TBC1D5: variants seen among roughly 807,000 people sequenced by gnomAD.
The protein encoded by TBC1D5 is TBC1 domain family member 5, also known as TBC1 domain family, member 5.
A neutral mutation model predicts 100.3 loss-of-function variants in TBC1D5; 75 were observed. That is an observed-to-expected ratio of 0.75 (90% CI 0.62 to 0.91). TBC1D5 has a LOEUF of 0.91. TBC1D5 is among the 40% of genes least tolerant of loss of function. The pLI, the probability that TBC1D5 is intolerant of heterozygous loss-of-function variation, is 0.00. For missense variants in TBC1D5, 910 were observed against 942.4 expected (o/e 0.97, Z 0.45); for synonymous variants, 323 against 325.6 (o/e 0.99, Z 0.09).
At chr3:17,304,551 G>A (rs1013003914) in intron 14 of TBC1D5, among the ~76,000 whole-genome samples, 3 of 152,078 alleles carry the variant, frequency 2.0e-5, no homozygotes, top group African/African-American at 7.2e-5. Context: ...AGGACTACAG[G>A]CACAAGCCAC....
At chr3:17,474,111 T>A (rs1366084500) in intron 3 of TBC1D5, among the ~76,000 whole-genome samples, 1 of 152,120 alleles carries the variant, frequency 6.6e-6, no homozygotes, top group African/African-American at 2.4e-5. Flanking sequence ...AGACAAAACT[T>A]TGAAACAGAA....
rs544940694 is a variant in TBC1D5, at chr3:17,268,135, C to T, written c.1246-9544G>A. Among the ~76,000 whole-genome samples, 8 of 151,506 alleles carry T rather than the reference C, an allele frequency of 5.3e-5. No individual in the cohort carries two copies. In the East Asian group the frequency reaches 1.6e-3, roughly 29 times the overall value. ...AAGAGTCCATGTAGATGGACTTTTG[C>T]CTTTGGATTATCTTATTCTAGACTC... On this transcript the variant is annotated intron_variant, in intron 15 of 21. Transcript: ENST00000253692.
chr3:17,676,371 G>A (rs963533143), intron 1 of TBC1D5, among the ~76,000 whole-genome samples: 6 of 151,684 alleles, frequency 4.0e-5, no homozygotes, highest in Non-Finnish European at 7.4e-5. Context: ...ACAAACAGAG[G>A]GCCAAATCAC....
intron 17 of TBC1D5, among the ~76,000 whole-genome samples, chr3:17,228,730 C>G (rs879640706): frequency 7.5e-5 from 11 of 146,126 alleles, no homozygotes; most frequent in Non-Finnish European, 1.5e-4. Context: ...AGTTACTGTT[C>G]GGATGAGACA....
intron 1 of TBC1D5, among the ~76,000 whole-genome samples, chr3:17,667,454 T>G (rs893832769): frequency 6.6e-6 from 1 of 151,838 alleles, no homozygotes; most frequent in African/African-American, 2.4e-5. Context: ...TAAGAAAAAA[T>G]TTTTTTTCTT....
At chr3:17,205,735 G>C (rs559562928) in intron 18 of TBC1D5, among the ~76,000 whole-genome samples, 1 of 152,118 alleles carries the variant, frequency 6.6e-6, no homozygotes, top group Non-Finnish European at 1.5e-5. Flanking sequence ...AAGCCTGCTG[G>C]GGAATTCCCA....
intron 1 of TBC1D5, among the ~76,000 whole-genome samples, chr3:17,668,690 AT>A (rs1413436861): frequency 6.6e-6 from 1 of 152,046 alleles, no homozygotes; most frequent in Non-Finnish European, 1.5e-5. Flanking sequence ...AACTGCCAAG[AT>A]TTTTTAAACT....
At chr3:17,693,582 G>A (rs924113906) in intron 1 of TBC1D5, among the ~76,000 whole-genome samples, 11 of 152,194 alleles carry the variant, frequency 7.2e-5, no homozygotes, top group African/African-American at 2.7e-4. Context: ...CTGCCAGGAA[G>A]CTCGAACTGG....
chr3:17,182,809 T>C (rs1575790537), intron 19 of TBC1D5, among the ~76,000 whole-genome samples: 1 of 152,236 alleles, frequency 6.6e-6, no homozygotes, highest in Non-Finnish European at 1.5e-5. Flanking sequence ...ATAAGATTCA[T>C]GTAAAATTAG....
intron 1 of TBC1D5, among the ~76,000 whole-genome samples, chr3:17,683,869 T>A (rs1464784684): frequency 1.3e-5 from 2 of 152,232 alleles, no homozygotes; most frequent in African/African-American, 4.8e-5. Flanking sequence ...AGTATTATTA[T>A]AAAAGTCTAC....
At chr3:17,268,605 T>C (rs994165320) in intron 15 of TBC1D5, among the ~76,000 whole-genome samples, 11 of 152,090 alleles carry the variant, frequency 7.2e-5, no homozygotes, top group African/African-American at 2.7e-4. Flanking sequence ...TTTCAAGATA[T>C]CTTCATGAAC....
chr3:17,596,700 CAA>C (rs34625799), intron 2 of TBC1D5, among the ~76,000 whole-genome samples: 4 of 44,948 alleles, frequency 8.9e-5, no homozygotes, highest in African/African-American at 7.5e-5. Flanking sequence ...GACTCCATCT[CAA>C]AAAAAAAAAA....
intron 2 of TBC1D5, among the ~76,000 whole-genome samples, chr3:17,617,105 A>G (rs2062234760): frequency 6.6e-6 from 1 of 152,160 alleles, no homozygotes; most frequent in Admixed American, 6.5e-5. Context: ...AAAATCTCTC[A>G]GCATTTAGTT....
intron 16 of TBC1D5, among the ~76,000 whole-genome samples, chr3:17,252,890 T>C (rs2077294180): frequency 2.0e-5 from 3 of 152,216 alleles, no homozygotes; most frequent in African/African-American, 7.2e-5. Flanking sequence ...GAATGAATAC[T>C]TGTTCACTTC....
chr3:17,697,780 C>T (rs1360669882), intron 1 of TBC1D5, among the ~76,000 whole-genome samples: 1 of 148,510 alleles, frequency 6.7e-6, no homozygotes, highest in Non-Finnish European at 1.5e-5. Flanking sequence ...GGAACCAAAA[C>T]AGAACCCGCG....
At chr3:17,509,632 A>G (rs2095879819) in intron 2 of TBC1D5, among the ~76,000 whole-genome samples, 1 of 152,010 alleles carries the variant, frequency 6.6e-6, no homozygotes, top group Non-Finnish European at 1.5e-5. Flanking sequence ...GACTGTCTTC[A>G]TGATATCTAA....
chr3:17,445,835 C>G (rs1477664658), intron 3 of TBC1D5, among the ~76,000 whole-genome samples: 2 of 152,122 alleles, frequency 1.3e-5, no homozygotes, highest in Non-Finnish European at 2.9e-5. Context: ...AAGTCTTGGA[C>G]CATATTCGCC....
chr3:17,569,627 T>C (rs1047135156), intron 2 of TBC1D5, among the ~76,000 whole-genome samples: 1 of 151,630 alleles, frequency 6.6e-6, no homozygotes, highest in African/African-American at 2.4e-5. Context: ...CTGTATATTA[T>C]AAATGCACTT....
At chr3:17,179,804 T>C (rs2068236021) in intron 19 of TBC1D5, among the ~76,000 whole-genome samples, 1 of 152,220 alleles carries the variant, frequency 6.6e-6, no homozygotes, top group Non-Finnish European at 1.5e-5. Flanking sequence ...GACTCATCAA[T>C]GAAAGGGCAA....
Sources: gnomAD v4.1 joint callset for allele counts (sites outside exome capture counted in the v4.1 genomes callset) on GRCh38, gnomAD v4.1.1 for gene constraint, MANE v1.5 for transcripts, NCBI Gene and HGNC (gene_info 2026-07-23, HGNC 2026-07-21) for gene names.